The following MRAP2 variants were observed in gnomAD, a reference collection of about 807,000 sequenced individuals.
MRAP2 encodes melanocortin 2 receptor accessory protein 2, also known as melanocortin-2 receptor accessory protein 2.
MRAP2 carries 20 observed loss-of-function variants against 17.4 expected under a neutral mutation model. The ratio of observed to expected loss-of-function variants is 1.15; its 90% confidence interval spans 0.81 to 1.67. The LOEUF is 1.67. MRAP2 is among the 40% of genes most tolerant of loss of function. The probability of loss-of-function intolerance (pLI) is 0.00; values close to 1 mark genes in which losing one functional copy is unlikely to be tolerated. For synonymous variants in MRAP2, 96 were observed against 88.4 expected (o/e 1.09, Z -0.48); for missense variants, 238 against 240.0 (o/e 0.99, Z 0.05).
chr6:84,099,208 AT>A, the MRAP2 span, among the ~76,000 whole-genome samples: 1 of 142,166 alleles, frequency 7.0e-6, no homozygotes, highest in South Asian at 2.2e-4. Context: ...GCTTATGGAT[AT>A]CTAATCGTTC....
At chr6:84,079,842 A>C (rs147144259) in intron 3 of MRAP2, among the ~76,000 whole-genome samples, 34 of 152,338 alleles carry the variant, frequency 2.2e-4, no homozygotes, top group African/African-American at 6.5e-4. Context: ...GGCATCAGTC[A>C]AGATTGGACA....
At chr6:84,090,992 T>C (rs1028213110), downstream of MRAP2, 2 of 152,206 alleles carry the variant, frequency 1.3e-5, no homozygotes, top group Non-Finnish European at 2.9e-5. Context: ...GTGCTGACTG[T>C]ACCATCTCTG....
chr6:84,069,750 A>G (rs2099495726), intron 3 of MRAP2, among the ~76,000 whole-genome samples: 1 of 152,024 alleles, frequency 6.6e-6, no homozygotes. Flanking sequence ...TAATTTTTAA[A>G]TTACCATTTT....
At chr6:84,117,642 GGTGTGTGTCTGTGTGT>G in the MRAP2 span, among the ~76,000 whole-genome samples, 6 of 140,888 alleles carry the variant, frequency 4.3e-5, no homozygotes, top group African/African-American at 1.1e-4. Context: ...TTGGATGTGG[GGTGTGTGTCTGTGTGT>G]GTGTGTGTGT....
intron 3 of MRAP2, among the ~76,000 whole-genome samples, chr6:84,073,872 G>A (rs1424790586): frequency 7.4e-6 from 1 of 134,620 alleles, no homozygotes; most frequent in African/African-American, 3.3e-5. Flanking sequence ...TGAGATATTT[G>A]TGTGTGTGTG....
the MRAP2 span, among the ~76,000 whole-genome samples, chr6:84,136,385 A>C: frequency 2.6e-5 from 4 of 152,212 alleles, no homozygotes; most frequent in African/African-American, 9.7e-5. Context: ...AAGGGCAGGC[A>C]GGTGATGAGA....
chr6:84,078,765 G>C (rs952162951), intron 3 of MRAP2, among the ~76,000 whole-genome samples: 17 of 152,066 alleles, frequency 1.1e-4, no homozygotes, highest in Non-Finnish European at 5.9e-5. Context: ...CCTTTTTATG[G>C]GTCTGCTTCT....
At chr6:84,060,181 T>C (rs2099492733) in intron 2 of MRAP2, among the ~76,000 whole-genome samples, 1 of 152,198 alleles carries the variant, frequency 6.6e-6, no homozygotes, top group South Asian at 2.1e-4. Flanking sequence ...ATTAAGGAAA[T>C]GTTTGGAAAT....
chr6:84,086,040 A>G (rs1588662183), intron 3 of MRAP2, among the ~76,000 whole-genome samples: 1 of 152,256 alleles, frequency 6.6e-6, no homozygotes, highest in Non-Finnish European at 1.5e-5. Flanking sequence ...GATTCCTTCC[A>G]AAAGTGATCT....
the MRAP2 span, among the ~76,000 whole-genome samples, chr6:84,141,890 A>AACTT: frequency 6.6e-6 from 1 of 152,086 alleles, no homozygotes; most frequent in African/African-American, 2.4e-5. Context: ...GGAAAAGAAA[A>AACTT]ACTTAAAAAA....
At chr6:84,075,020 A>G (rs2099497220) in intron 3 of MRAP2, among the ~76,000 whole-genome samples, 1 of 152,198 alleles carries the variant, frequency 6.6e-6, no homozygotes, top group Non-Finnish European at 1.5e-5. Context: ...AAATCTTGGT[A>G]TGACACAACA....
At chr6:84,100,976 CTCTCAG>C in the MRAP2 span, among the ~76,000 whole-genome samples, 2 of 148,568 alleles carry the variant, frequency 1.3e-5, no homozygotes, top group African/African-American at 5.3e-5. Flanking sequence ...TCTCCAAGAT[CTCTCAG>C]TCTTTTATTA....
At chr6:84,119,246 A>C in the MRAP2 span, among the ~76,000 whole-genome samples, 1 of 152,144 alleles carries the variant, frequency 6.6e-6, no homozygotes, top group Non-Finnish European at 1.5e-5. Context: ...TAGGAATTTC[A>C]TTGAATCTAC....
At chr6:84,051,887 G>A (rs771007702) in intron 1 of MRAP2, among the ~76,000 whole-genome samples, 3 of 152,136 alleles carry the variant, frequency 2.0e-5, no homozygotes, top group Non-Finnish European at 2.9e-5. Context: ...TGCTCACCAC[G>A]CTTTCTCTGT....
chr6:84,055,164 C>A, intron 1 of MRAP2, 148 bp from the exon 2 acceptor site: 1 of 750,856 alleles, frequency 1.3e-6, no homozygotes, highest in Non-Finnish European at 2.1e-6. Context: ...GTGTGAGCAG[C>A]TGGTAAGAAC....
the MRAP2 span, among the ~76,000 whole-genome samples, chr6:84,104,447 A>G: frequency 6.6e-6 from 1 of 152,332 alleles, no homozygotes; most frequent in African/African-American, 2.4e-5. Context: ...TCCTCAGAAA[A>G]TGGGATTTTC....
the MRAP2 span, among the ~76,000 whole-genome samples, chr6:84,110,950 A>G: frequency 6.6e-6 from 1 of 151,926 alleles, no homozygotes; most frequent in Admixed American, 6.6e-5. Flanking sequence ...GTTTTGTTCC[A>G]TTGGTCTATA....
intron 1 of MRAP2, among the ~76,000 whole-genome samples, chr6:84,038,601 C>G (rs2099486736): frequency 3.9e-5 from 6 of 152,172 alleles, no homozygotes; most frequent in Admixed American, 3.9e-4. Context: ...AAGTGATCCT[C>G]CCATCTCAGT....
the MRAP2 span, among the ~76,000 whole-genome samples, chr6:84,114,531 A>G: frequency 2.6e-5 from 4 of 152,074 alleles, no homozygotes; most frequent in Non-Finnish European, 4.4e-5. Context: ...ATGCTCCTTT[A>G]GCTCAGAGGA....
Sources: gnomAD v4.1 joint callset for allele counts (sites outside exome capture counted in the v4.1 genomes callset) on GRCh38, gnomAD v4.1.1 for gene constraint, MANE v1.5 for transcripts, NCBI Gene and HGNC (gene_info 2026-07-23, HGNC 2026-07-21) for gene names.